Variants in NEGR1 observed in about 807,000 individuals in gnomAD.
NEGR1 encodes the protein neuronal growth regulator 1.
A neutral mutation model predicts 40.9 loss-of-function variants in NEGR1; 10 were observed. That is an observed-to-expected ratio of 0.24 (90% CI 0.15 to 0.42). NEGR1 has a LOEUF of 0.42. NEGR1 is among the 10% of genes least tolerant of loss of function. The probability of loss-of-function intolerance (pLI) is 1.00; values close to 1 mark genes in which losing one functional copy is unlikely to be tolerated. For missense variants in NEGR1, 352 were observed against 438.9 expected (o/e 0.80, Z 1.77); for synonymous variants, 185 against 166.8 (o/e 1.11, Z -0.84).
At chr1:71,671,960 C>T (rs1652452130) in intron 4 of NEGR1, among the ~76,000 whole-genome samples, 1 of 147,242 alleles carries the variant, frequency 6.8e-6, no homozygotes, top group African/African-American at 2.5e-5. Context: ...TCTCAAACTC[C>T]TGTCCTCAAA....
intron 1 of NEGR1, among the ~76,000 whole-genome samples, chr1:72,005,053 A>C (rs1468899380): frequency 2.6e-5 from 4 of 152,124 alleles, no homozygotes; most frequent in Non-Finnish European, 5.9e-5. Context: ...TTGCTTTGAC[A>C]GTTTGCATTT....
intron 1 of NEGR1, among the ~76,000 whole-genome samples, chr1:72,030,729 T>C (rs1646850780): frequency 6.6e-6 from 1 of 152,076 alleles, no homozygotes; most frequent in South Asian, 2.1e-4. Context: ...AAAGCAAATG[T>C]AGTTACAGTC....
intron 5 of NEGR1, among the ~76,000 whole-genome samples, chr1:71,594,364 A>T (rs934740463): frequency 6.6e-6 from 1 of 152,192 alleles, no homozygotes; most frequent in African/African-American, 2.4e-5. Context: ...GCATCCCCTG[A>T]GAGTTCAATT....
At chr1:71,479,400 A>G (rs578139556) in intron 6 of NEGR1, among the ~76,000 whole-genome samples, 2 of 152,120 alleles carry the variant, frequency 1.3e-5, no homozygotes, top group Admixed American at 1.3e-4. Context: ...CCAGCATCCC[A>G]TTTTAGCTGG....
At chr1:72,208,806 C>T (rs1858600) in intron 1 of NEGR1, among the ~76,000 whole-genome samples, 72,749 of 151,354 alleles carry the variant, frequency 0.48, 18,193 homozygotes, top group African/African-American at 0.59. Context: ...AAGTGCTAGA[C>T]ATTTTACATT....
intron 6 of NEGR1, among the ~76,000 whole-genome samples, chr1:71,497,016 T>A (rs1012662928): frequency 2.0e-5 from 3 of 152,194 alleles, no homozygotes; most frequent in African/African-American, 7.2e-5. Context: ...TTAGCATTTA[T>A]GAATCAGATA....
chr1:72,020,960 A>G (rs569473082), intron 1 of NEGR1, among the ~76,000 whole-genome samples: 1 of 152,228 alleles, frequency 6.6e-6, no homozygotes, highest in East Asian at 1.9e-4. Flanking sequence ...AATGAGATTA[A>G]CTCAATGGTC....
intron 1 of NEGR1, among the ~76,000 whole-genome samples, chr1:72,077,808 C>A (rs1458570619): frequency 2.6e-5 from 4 of 151,370 alleles, no homozygotes; most frequent in African/African-American, 9.7e-5. Context: ...GAGGCCCTGT[C>A]TCAAATAAAA....
In NEGR1 at chr1:72,049,103, G is replaced by C. The variant is rs1034763176; in HGVS notation, c.177-113792C>G. The stretch of plus-strand genomic sequence containing the variant: ...CTAGAAGGGCTGAGTCAAGAGGATA[G>C]CTTGAGGCCAGGAGTTCAAGACACC... On this transcript the variant is annotated intron_variant, in intron 1 of 6. Transcript: ENST00000357731. Among the ~76,000 whole-genome samples the C allele has an allele frequency of 4.6e-5, 7 of 151,500 alleles. No individual in the cohort carries two copies. The Admixed American group carries it at 4.6e-4, about 10-fold the overall frequency.
At chr1:71,693,467 C>G (rs1653363060) in intron 4 of NEGR1, among the ~76,000 whole-genome samples, 1 of 151,574 alleles carries the variant, frequency 6.6e-6, no homozygotes, top group African/African-American at 2.4e-5. Context: ...GTACAAAGGA[C>G]AGCAAAATCC....
chr1:71,756,557 C>T (rs1313377656), intron 3 of NEGR1, among the ~76,000 whole-genome samples: 1 of 151,966 alleles, frequency 6.6e-6, no homozygotes, highest in Non-Finnish European at 1.5e-5. Flanking sequence ...GAATATACTT[C>T]CATGAAATAC....
chr1:72,205,171 T>TA (rs1484142843), intron 1 of NEGR1, among the ~76,000 whole-genome samples: 2 of 152,100 alleles, frequency 1.3e-5, no homozygotes, highest in Non-Finnish European at 2.9e-5. Flanking sequence ...ATATGGAATT[T>TA]AAAAGTGGTT....
rs1487068811 is a variant in NEGR1, at chr1:71,402,149, G to A, written c.*5297C>T. 1 of 152,122 alleles carries A rather than the reference G, an allele frequency of 6.6e-6. No homozygotes were observed. Among genetic ancestry groups the A allele is most frequent in the Admixed American group, 6.6e-5 (1 of 15,262 alleles). The allele number at this position is 152,122 out of a possible 1,614,324, so 9.4% of individuals were successfully genotyped here. On this transcript the variant is annotated 3_prime_UTR_variant, in exon 7 of 7. Transcript: ENST00000357731. The stretch of plus-strand genomic sequence containing the variant: ...CATTTTTCATTGCATATTTGGCTCA[G>A]ATCTGCCACTTAGTTGAAGTATAAT...
chr1:72,211,288 T>C (rs1653597485), intron 1 of NEGR1, among the ~76,000 whole-genome samples: 1 of 151,728 alleles, frequency 6.6e-6, no homozygotes, highest in South Asian at 2.1e-4. Flanking sequence ...TGAACACCTA[T>C]CCCACTCATT....
At chr1:71,819,449 A>T (rs60795260) in intron 2 of NEGR1, among the ~76,000 whole-genome samples, 8,448 of 152,044 alleles carry the variant, frequency 0.056, 383 homozygotes, top group African/African-American at 0.13. Flanking sequence ...TATCTGTAAA[A>T]TAAGAAGAGT....
chr1:71,730,604 G>A (rs886067764), intron 3 of NEGR1, among the ~76,000 whole-genome samples: 1 of 121,350 alleles, frequency 8.2e-6, no homozygotes. Flanking sequence ...AATTTGAAAA[G>A]TCTGTATGGC....
At chr1:71,658,348 T>C (rs1175156291) in intron 4 of NEGR1, among the ~76,000 whole-genome samples, 1 of 152,378 alleles carries the variant, frequency 6.6e-6, no homozygotes, top group East Asian at 1.9e-4. Context: ...AGATGTTTTA[T>C]TATTTATTCA....
At chr1:71,536,848 T>C (rs1481587881) in intron 6 of NEGR1, among the ~76,000 whole-genome samples, 1 of 151,750 alleles carries the variant, frequency 6.6e-6, no homozygotes, top group Non-Finnish European at 1.5e-5. Context: ...TTTATATCTC[T>C]AAACAGATCA....
At chr1:72,171,325 C>T (rs1405925002) in intron 1 of NEGR1, among the ~76,000 whole-genome samples, 5 of 152,142 alleles carry the variant, frequency 3.3e-5, no homozygotes, top group Non-Finnish European at 7.4e-5. Flanking sequence ...TGTGTGCATA[C>T]ATGGAACATC....
Sources: allele counts gnomAD v4.1 joint callset (sites outside exome capture counted in the v4.1 genomes callset), GRCh38; gene constraint gnomAD v4.1.1; transcripts MANE v1.5; gene names NCBI Gene and HGNC (gene_info 2026-07-23, HGNC 2026-07-21).